The following NFATC4 variants were observed in gnomAD, a reference collection of about 807,000 sequenced individuals.
NFATC4 encodes nuclear factor of activated T-cells, cytoplasmic 4.
Under a neutral mutation model 73.4 loss-of-function variants are expected in NFATC4, and 25 were observed. The observed-to-expected ratio is 0.34, with a 90% CI of 0.25 to 0.48. NFATC4 has a LOEUF of 0.48. NFATC4 is among the 20% of genes least tolerant of loss of function. The pLI is 0.99. For synonymous variants in NFATC4, 523 were observed against 510.3 expected, an observed-to-expected ratio of 1.02 and a Z score of -0.34; for missense variants, 1,130 against 1,203.7, an observed-to-expected ratio of 0.94 and a Z score of 0.91.
chr14:24,368,367 G>C lies in NFATC4; in HGVS notation c.27G>C (p.Glu9Asp). Residue 9 changes from glutamate (E) to aspartate (D), a missense_variant, in exon 1 of 10, where the codon GAG (glutamate) becomes GAC (aspartate). Physicochemically the swap from Glu to Asp is conservative, Grantham distance 45. Coordinates refer to ENST00000250373, the MANE Select transcript of NFATC4 (RefSeq NM_004554.5). The part of the protein sequence containing the change: MGAASCED[E>D]ELEFKLVFGE... ...TGGGGGCGGCCAGCTGCGAGGATGAGGAGCTGGAATTTAAGCTGGTGTTCG... is the reference window on the plus strand; with the variant it reads ...TGGGGGCGGCCAGCTGCGAGGATGACGAGCTGGAATTTAAGCTGGTGTTCG... 1 of 1,377,668 alleles carries C rather than the reference G, an allele frequency of 7.3e-7. No individual in the cohort carries two copies. The highest frequency in any genetic ancestry group is 9.4e-7 in the Non-Finnish European group (1 of 1,066,562). The allele number at this position is 1,377,668 out of a possible 1,614,324, so 85.3% of individuals were successfully genotyped here. A position where few individuals can be genotyped will look rare whatever the true frequency, so the allele number is the denominator to read the frequency against.
intron 1 of NFATC4, 78 bp from the exon 2 acceptor site, chr14:24,369,421 G>T (rs1433304757): frequency 8.7e-6 from 14 of 1,607,988 alleles, no homozygotes; most frequent in Non-Finnish European, 9.3e-6. Flanking sequence ...CTTGCGGCCT[G>T]GCCACTCAAG....
At position 24,374,350 on chromosome 14, in the gene NFATC4, C is replaced by A; in HGVS notation, c.1757C>A (p.Pro586His). The change falls in exon 6 of 10, where the codon CCC (proline) becomes CAC (histidine). Residue 586 changes from proline to histidine, a missense_variant. Around this residue, in one of 3 missense-constraint regions of NFATC4, gnomAD observed 390 missense variants for 408.1 expected, o/e 0.96. Coordinates refer to ENST00000250373, the MANE Select transcript of NFATC4 (RefSeq NM_004554.5). ...ECSQRSAQEL[P>H]QVEAYSPSAC... ...GCCCAGCGCTCAGCCCAGGAGCTGC[C>A]CCAGGTGGAGGCCTACAGCCCCAGT... is the stretch of plus-strand genomic sequence containing the variant. 1.2e-6 allele frequency: 2 copies of A among 1,613,322 alleles called. No homozygotes were observed. Among genetic ancestry groups the A allele is most frequent in the Non-Finnish European group, 1.7e-6 (2 of 1,179,692 alleles).
rs2042418398 is a variant in NFATC4 at position 24,369,806 on chromosome 14, T to C, written c.408T>C (p.Asp136=). ...CAGCAGCGCTGGAGGACAACCCTGA[T>C]GCCTGGGGGGACGGCTCTCCTAGAG... ...EPPAALEDNP[D]AWGDGSPRDY... is the part of the protein sequence containing the mutation. Residue 136 remains aspartate (D), a synonymous_variant, in exon 2 of 10, where the codon GAT becomes GAC. Transcript: ENST00000250373. The C allele has an allele frequency of 3.1e-6, 5 of 1,597,946 alleles. No homozygotes were observed. The highest frequency in any genetic ancestry group is 4.3e-6 in the Non-Finnish European group (5 of 1,172,274).
chr14:24,376,367 C>T lies in NFATC4; in HGVS notation c.2130C>T (p.Gly710=), dbSNP rs774107255. 6.2e-7 allele frequency: 1 copy of T among 1,610,452 alleles called. No homozygotes were observed. The highest frequency in any genetic ancestry group is 1.1e-5 in the South Asian group (1 of 90,518). The change falls in exon 9 of 10, where the codon GGC becomes GGT. Residue 710 remains glycine, a synonymous_variant. Coordinates refer to ENST00000250373, the MANE Select transcript of NFATC4 (RefSeq NM_004554.5). This position sits in a 1 kb window ranked among gnomAD's most constrained non-coding sequence, Gnocchi z 5.0. ...CTTCAGCATCGGCAACCCCCTTTGG[C>T]ACTGACATGGACTTCTCACCACCCA... ...GFPSASATPF[G]TDMDFSPPRP... is the part of the protein sequence containing the mutation.
At position 24,376,465 on chromosome 14, in the gene NFATC4, A is replaced by C; in HGVS notation, c.2228A>C (p.Tyr743Ser). ...ETPYLSEGFG[Y>S]GMPPLYPQTG... ...CCTTACCTATCAGAAGGCTTCGGCTATGGCATGCCCCCTCTGTACCCCCAG... is the reference window on the plus strand; with the variant it reads ...CCTTACCTATCAGAAGGCTTCGGCTCTGGCATGCCCCCTCTGTACCCCCAG... Residue 743 changes from tyrosine (Y) to serine (S), a missense_variant, in exon 9 of 10, where the codon TAT (tyrosine) becomes TCT (serine). By Grantham distance (144) the Tyr-to-Ser change is moderately radical. Transcript: ENST00000250373. This position sits in a 1 kb window ranked among gnomAD's most constrained non-coding sequence, Gnocchi z 5.0. The C allele has an allele frequency of 6.2e-7, 1 of 1,613,718 alleles. No individual in the cohort carries two copies. The highest frequency in any genetic ancestry group is 8.5e-7 in the Non-Finnish European group (1 of 1,179,854).
chr14:24,373,706 C>G lies in NFATC4; in HGVS notation c.1571C>G (p.Ala524Gly). ...TCCTTTGCCTCCAGCATTGACTGCG[C>G]GGGAATCCTGAAGCTTCGGAATTCA... ...ENNMAANIDC[A>G]GILKLRNSDI... Residue 524 changes from alanine to glycine, a missense_variant, in exon 5 of 10, where the codon GCG (alanine) becomes GGG (glycine). By Grantham distance (60) the Ala-to-Gly change is moderately conservative. This residue lies in a region of NFATC4 where 155 missense variants were observed against 221.2 expected (regional missense o/e 0.70). Transcript: ENST00000250373. The surrounding 1 kb of genome is among the most constrained non-coding windows in gnomAD (Gnocchi z 4.7). 2 of 1,609,160 alleles carry G rather than the reference C, an allele frequency of 1.2e-6. No individual in the cohort carries two copies. The highest frequency in any genetic ancestry group is 1.7e-6 in the Non-Finnish European group (2 of 1,176,838).
chr14:24,376,372 A>G lies in NFATC4; in HGVS notation c.2135A>G (p.Asp712Gly). The change falls in exon 9 of 10, where the codon GAC (aspartate) becomes GGC (glycine). Residue 712 changes from aspartate (D) to glycine (G), a missense_variant. By Grantham distance (94) the Asp-to-Gly change is moderately conservative (BLOSUM62 -1). This residue lies in a region of NFATC4 where 390 missense variants were observed against 408.1 expected (regional missense o/e 0.96). Transcript: ENST00000250373. The surrounding 1 kb of genome is among the most constrained non-coding windows in gnomAD (Gnocchi z 5.0). ...GCATCGGCAACCCCCTTTGGCACTG[A>G]CATGGACTTCTCACCACCCAGGCCC... ...PSASATPFGT[D>G]MDFSPPRPPY... 6.2e-7 allele frequency: 1 copy of G among 1,612,264 alleles called. No homozygotes were observed. Among genetic ancestry groups the G allele is most frequent in the Non-Finnish European group, 8.5e-7 (1 of 1,179,080 alleles).
In NFATC4 at chr14:24,376,416, C is replaced by A; in HGVS notation, c.2179C>A (p.His727Asn). ...PPRPPYPSYP[H>N]EDPACETPYL... ...CAGGCCCCCCTACCCCTCCTATCCCCATGAAGACCCTGCTTGCGAAACTCC... is the reference window on the plus strand; with the variant it reads ...CAGGCCCCCCTACCCCTCCTATCCCAATGAAGACCCTGCTTGCGAAACTCC... Residue 727 changes from histidine (H) to asparagine (N), a missense_variant, in exon 9 of 10, where the codon CAT becomes AAT. His to Asn is a moderately conservative substitution (Grantham distance 68). This residue lies in a region of NFATC4 where 390 missense variants were observed against 408.1 expected (regional missense o/e 0.96). Transcript: ENST00000250373. The surrounding 1 kb of genome is among the most constrained non-coding windows in gnomAD (Gnocchi z 5.0). 6.2e-7 allele frequency: 1 copy of A among 1,613,788 alleles called. No homozygotes were observed. Among genetic ancestry groups the A allele is most frequent in the South Asian group, 1.1e-5 (1 of 91,068 alleles).
At chr14:24,367,309 C>T (rs1029056386), upstream of NFATC4, 1 of 1,550,460 alleles carries the variant, frequency 6.4e-7, no homozygotes, top group African/African-American at 1.4e-5. Flanking sequence ...CCCTAGTAAA[C>T]CTGGCAAGGA....
chr14:24,373,786 C>T lies in NFATC4; in HGVS notation c.1651C>T (p.Arg551Trp), dbSNP rs1186911830. 7 of 1,614,168 alleles carry T rather than the reference C, an allele frequency of 4.3e-6. No individual in the cohort carries two copies. Among genetic ancestry groups the T allele is most frequent in the South Asian group, 2.2e-5 (2 of 91,088 alleles). The change falls in exon 5 of 10, where the codon CGG becomes TGG. Residue 551 changes from arginine (R) to tryptophan (W), a missense_variant. Around this residue, in one of 3 missense-constraint regions of NFATC4, gnomAD observed 155 missense variants for 221.2 expected, o/e 0.70. Coordinates refer to ENST00000250373, the MANE Select transcript of NFATC4 (RefSeq NM_004554.5). The surrounding 1 kb of genome is among the most constrained non-coding windows in gnomAD (Gnocchi z 4.7). ...TDIGRKNTRV[R>W]LVFRVHVPQG... ...CATCGGGCGCAAAAACACACGTGTA[C>T]GGCTGGTGTTCCGGGTACACGTGCC... is the stretch of plus-strand genomic sequence containing the variant.
Position 24,370,369 on chromosome 14 carries a change from A to C in NFATC4, c.971A>C (p.Glu324Ala), listed in dbSNP as rs1183594520. ...GACTATGTGGGGGCCCCACCAGCTG[A>C]GAGCATCCCTCAGAAGACACGGCGG... Reference protein sequence around the residue: ...PFDYVGAPPAESIPQKTRRTS... With the variant: ...PFDYVGAPPAASIPQKTRRTS... The change falls in exon 2 of 10, where the codon GAG (glutamate) becomes GCG (alanine). Residue 324 changes from glutamate to alanine, a missense_variant. Transcript: ENST00000250373. 1 of 1,613,744 alleles carries C rather than the reference A, an allele frequency of 6.2e-7. No individual in the cohort carries two copies. The highest frequency in any genetic ancestry group is 8.5e-7 in the Non-Finnish European group (1 of 1,179,988).
rs149951436 is a variant in NFATC4 at position 24,370,181 on chromosome 14, G to C, written c.783G>C (p.Arg261=). The change falls in exon 2 of 10, where the codon CGG becomes CGC. Residue 261 remains arginine (R), a synonymous_variant. Coordinates refer to ENST00000250373, the MANE Select transcript of NFATC4 (RefSeq NM_004554.5). The part of the protein sequence containing the change: ...SAPGPTPASP[R]PASPCGKRRY... ...CTGGGCCCACCCCAGCCTCCCCGCG[G>C]CCTGCCTCTCCATGTGGCAAGCGGC... 1 of 1,605,776 alleles carries C rather than the reference G, an allele frequency of 6.2e-7. No homozygotes were observed. The highest frequency in any genetic ancestry group is 1.7e-5 in the Admixed American group (1 of 59,990).
chr14:24,372,285 T>C, intron 2 of NFATC4, 156 bp from the exon 3 acceptor site: 1 of 803,624 alleles, frequency 1.2e-6, no homozygotes, highest in African/African-American at 1.7e-5. Flanking sequence ...AAAAAAATTC[T>C]TTTTTCCCTT....
At chr14:24,371,213 T>G (rs1164374510) in intron 2 of NFATC4, among the ~76,000 whole-genome samples, 1 of 152,262 alleles carries the variant, frequency 6.6e-6, no homozygotes, top group African/African-American at 2.4e-5. Context: ...GATGTTAGAC[T>G]GAGCTGGCTC....
chr14:24,373,472 A>T lies in NFATC4; in HGVS notation c.1559+102A>T. On this transcript the variant is annotated intron_variant, in intron 4 of 9. Transcript: ENST00000250373. The surrounding 1 kb of genome is among the most constrained non-coding windows in gnomAD (Gnocchi z 4.7). Reference sequence around the variant, plus strand: ...CTTCCTTTTCCCAGAAGAGGTAGACATTTTTCCTAGGAGCTGGCTTCAGGC... The same window carrying T: ...CTTCCTTTTCCCAGAAGAGGTAGACTTTTTTCCTAGGAGCTGGCTTCAGGC... The T allele has an allele frequency of 6.9e-7, 1 of 1,456,364 alleles. No individual in the cohort carries two copies. Among genetic ancestry groups the T allele is most frequent in the Non-Finnish European group, 9.4e-7 (1 of 1,068,600 alleles). 90.2% of individuals were successfully genotyped at this position (1,456,364 alleles called of 1,614,324 possible).
upstream of NFATC4, chr14:24,367,488 G>C: frequency 6.5e-7 from 1 of 1,535,454 alleles, no homozygotes; most frequent in African/African-American, 1.4e-5. Flanking sequence ...ATCAAGGGCT[G>C]TGGGCCTAGG....
rs572654811 is a variant in NFATC4, at chr14:24,373,043, G to A, written c.1360-128G>A. On this transcript the variant is annotated intron_variant, in intron 3 of 9. Coordinates refer to ENST00000250373, the MANE Select transcript of NFATC4 (RefSeq NM_004554.5). This position sits in a 1 kb window ranked among gnomAD's most constrained non-coding sequence, Gnocchi z 4.7. ...CCACAACGGGTGCCCAGTTCCCCAA[G>A]GGATTCCCTTGCAGGATATCCTTTA... 1.1e-6 allele frequency: 1 copy of A among 942,680 alleles called. No homozygotes were observed. The highest frequency in any genetic ancestry group is 1.7e-5 in the South Asian group (1 of 59,158). The allele number at this position is 942,680 out of a possible 1,614,324, so 58.4% of individuals were successfully genotyped here.
At chr14:24,367,144 C>A (rs1004915122), upstream of NFATC4, 2 of 1,613,960 alleles carry the variant, frequency 1.2e-6, no homozygotes, top group African/African-American at 2.7e-5. Flanking sequence ...CCCTCTCACA[C>A]AACCCAGGCC....
At position 24,368,249 on chromosome 14, in the gene NFATC4, G is replaced by C; in HGVS notation, c.-92G>C. On this transcript the variant is annotated 5_prime_UTR_variant, in exon 1 of 10. Coordinates refer to ENST00000250373, the MANE Select transcript of NFATC4 (RefSeq NM_004554.5). ...CGGAGGAGGGGGCTTCTCAGAGAAA[G>C]GGAGGGAGGGAGCCACCCGGGTGAA... 1 of 1,338,640 alleles carries C rather than the reference G, an allele frequency of 7.5e-7. No homozygotes were observed. Among genetic ancestry groups the C allele is most frequent in the South Asian group, 2.1e-5 (1 of 46,794 alleles). The allele number at this position is 1,338,640 out of a possible 1,614,324, so 82.9% of individuals were successfully genotyped here. A position where few individuals can be genotyped will look rare whatever the true frequency, so the allele number is the denominator to read the frequency against.
Sources: gnomAD v4.1 joint callset for allele counts (sites outside exome capture counted in the v4.1 genomes callset) on GRCh38, gnomAD v4.1.1 for gene constraint, gnomAD v4.1.1 regional missense constraint, Gnocchi (gnomAD v3.1) non-coding constraint, MANE v1.5 for transcripts, NCBI Gene and HGNC (gene_info 2026-07-23, HGNC 2026-07-21) for gene names.